Variants in ZC3H12B observed in about 807,000 individuals in gnomAD.
The protein encoded by ZC3H12B is zinc finger CCCH-type containing 12B.
Under a neutral mutation model 43.9 loss-of-function variants are expected in ZC3H12B, and 7 were observed. The ratio of observed to expected loss-of-function variants is 0.16; its 90% CI spans 0.09 to 0.30. ZC3H12B has a LOEUF of 0.30. Ranked by LOEUF, ZC3H12B falls within the 10% of genes least tolerant of loss-of-function variation. ZC3H12B has a pLI of 1.00. For missense variants in ZC3H12B, 475 were observed against 670.2 expected, an observed-to-expected ratio of 0.71 and a Z score of 3.22; for synonymous variants, 222 against 241.7, an observed-to-expected ratio of 0.92 and a Z score of 0.76.
the ZC3H12B span, among the ~76,000 whole-genome samples, chrX:65,108,034 A>C: frequency 9.0e-6 from 1 of 111,368 alleles, no homozygotes; most frequent in Non-Finnish European, 1.9e-5. Context: ...ATGGACAGTA[A>C]AAATATGGTA....
At chrX:65,045,566 A>T in the ZC3H12B span, among the ~76,000 whole-genome samples, 21 of 111,806 alleles carry the variant, frequency 1.9e-4, no homozygotes, top group Non-Finnish European at 3.6e-4. Context: ...TCTGATTCTA[A>T]TTCTTCTGCT....
At chrX:65,087,936 A>T in the ZC3H12B span, among the ~76,000 whole-genome samples, 2 of 112,492 alleles carry the variant, frequency 1.8e-5, no homozygotes, top group African/African-American at 6.4e-5. Context: ...AAATAGGAAT[A>T]GAAAATATCA....
chrX:65,407,731 C>G (rs1348955509), intron 3 of ZC3H12B, among the ~76,000 whole-genome samples: 1 of 113,668 alleles, frequency 8.8e-6, no homozygotes, highest in Non-Finnish European at 1.9e-5. Flanking sequence ...GTCGGAGTCA[C>G]CGCGCCCCCG....
the ZC3H12B span, among the ~76,000 whole-genome samples, chrX:65,284,630 A>T: frequency 9.0e-6 from 1 of 110,580 alleles, no homozygotes. Context: ...GCGTGGTTGT[A>T]TGTGCCTGTA....
At chrX:65,062,907 A>G in the ZC3H12B span, among the ~76,000 whole-genome samples, 1 of 111,033 alleles carries the variant, frequency 9.0e-6, no homozygotes, top group Non-Finnish European at 1.9e-5. Context: ...TAGGTATTTT[A>G]TTCTCTTTGT....
intron 2 of ZC3H12B, among the ~76,000 whole-genome samples, chrX:65,397,889 C>A (rs1369229350): frequency 1.8e-5 from 2 of 111,853 alleles, no homozygotes; most frequent in African/African-American, 6.5e-5. Context: ...AACCCAGAGA[C>A]TTTACCAAAA....
the ZC3H12B span, among the ~76,000 whole-genome samples, chrX:65,214,370 AT>A: frequency 1.8e-5 from 2 of 112,049 alleles, no homozygotes; most frequent in African/African-American, 6.5e-5. Context: ...ATCCTCTAAA[AT>A]TTTGCTGCTT....
the ZC3H12B span, among the ~76,000 whole-genome samples, chrX:65,299,396 C>A: frequency 8.9e-6 from 1 of 111,983 alleles, no homozygotes; most frequent in Non-Finnish European, 1.9e-5. Flanking sequence ...AGAATATTAG[C>A]AGATGATGTC....
the ZC3H12B span, among the ~76,000 whole-genome samples, chrX:65,204,896 T>G: frequency 1.8e-5 from 2 of 112,293 alleles, no homozygotes; most frequent in Admixed American, 1.9e-4. Context: ...ACTTCTTTTC[T>G]CTGCAGCTTT....
chrX:65,311,538 T>C, the ZC3H12B span, among the ~76,000 whole-genome samples: 6 of 112,043 alleles, frequency 5.4e-5, no homozygotes, highest in Non-Finnish European at 1.1e-4. Context: ...GCTTTTACAC[T>C]GTTGGTGGGA....
the ZC3H12B span, among the ~76,000 whole-genome samples, chrX:65,214,095 T>A: frequency 1.8e-5 from 2 of 111,459 alleles, no homozygotes; most frequent in Non-Finnish European, 3.8e-5. Flanking sequence ...AAAATGCTAA[T>A]GATCATCTCA....
At chrX:65,135,438 A>G in the ZC3H12B span, among the ~76,000 whole-genome samples, 1 of 109,079 alleles carries the variant, frequency 9.2e-6, no homozygotes, top group African/African-American at 3.3e-5. Context: ...TTTTGGACTT[A>G]CCTTAAATAA....
the ZC3H12B span, among the ~76,000 whole-genome samples, chrX:65,182,610 G>A: frequency 9.2e-6 from 1 of 109,211 alleles, no homozygotes; most frequent in Non-Finnish European, 1.9e-5. Context: ...GCACAGCAAA[G>A]AAGCTATCAA....
chrX:65,076,154 C>T, the ZC3H12B span, among the ~76,000 whole-genome samples: 1 of 109,534 alleles, frequency 9.1e-6, no homozygotes, highest in African/African-American at 3.3e-5. Flanking sequence ...TTCTTCTCTT[C>T]TTTCTTTTTT....
At chrX:65,188,627 G>A in the ZC3H12B span, among the ~76,000 whole-genome samples, 2 of 110,592 alleles carry the variant, frequency 1.8e-5, no homozygotes, top group African/African-American at 6.6e-5. Context: ...TGTGAGAAAT[G>A]TCAGTTACAT....
At chrX:65,495,007 A>C (rs963053837) in intron 1 of ZC3H12B, among the ~76,000 whole-genome samples, 3 of 110,982 alleles carry the variant, frequency 2.7e-5, no homozygotes, top group Non-Finnish European at 5.7e-5. Flanking sequence ...ACTTACCAGC[A>C]CTGTAGCAGT....
the ZC3H12B span, among the ~76,000 whole-genome samples, chrX:65,056,550 G>A: frequency 1.8e-5 from 2 of 111,712 alleles, no homozygotes; most frequent in African/African-American, 3.3e-5. Context: ...GTGGTGCTGA[G>A]AAGAATGTAT....
At chrX:65,444,922 T>A (rs1234394496) in intron 3 of ZC3H12B, among the ~76,000 whole-genome samples, 2 of 112,160 alleles carry the variant, frequency 1.8e-5, no homozygotes, top group African/African-American at 6.5e-5. Context: ...CCCCTGACTG[T>A]GTATACTCAA....
intron 3 of ZC3H12B, among the ~76,000 whole-genome samples, chrX:65,477,527 G>A (rs1026111257): frequency 2.2e-4 from 25 of 111,698 alleles, no homozygotes; most frequent in South Asian, 7.5e-4. Flanking sequence ...GGCCGGGCAC[G>A]GTGGCTCACA....
Sources: allele counts gnomAD v4.1 joint callset (sites outside exome capture counted in the v4.1 genomes callset), GRCh38; gene constraint gnomAD v4.1.1; transcripts MANE v1.5; gene names NCBI Gene and HGNC (gene_info 2026-07-23, HGNC 2026-07-21).